C2CD2: variants seen among roughly 807,000 people sequenced by gnomAD.
The protein encoded by C2CD2 is C2 calcium dependent domain containing 2.
C2CD2 carries 43 observed loss-of-function variants against 74.3 expected under a neutral mutation model. The observed-to-expected ratio is 0.58, with a 90% CI of 0.45 to 0.75. The LOEUF (loss-of-function observed/expected upper bound fraction) is 0.75. Ranked by LOEUF, C2CD2 falls within the 30% of genes least tolerant of loss-of-function variation. The pLI, the probability that C2CD2 is intolerant of heterozygous loss-of-function variation, is 0.00. For synonymous variants in C2CD2, 422 were observed against 390.7 expected, an observed-to-expected ratio of 1.08 and a Z score of -0.94; for missense variants, 801 against 916.3, an observed-to-expected ratio of 0.87 and a Z score of 1.63.
intron 1 of C2CD2, among the ~76,000 whole-genome samples, chr21:41,951,838 A>G (rs1373222699): frequency 6.6e-6 from 1 of 152,194 alleles, no homozygotes; most frequent in Admixed American, 6.5e-5. Flanking sequence ...TCCCAAATAT[A>G]CAGGAGGTAG....
Position 41,889,074 on chromosome 21 carries a change from T to G in C2CD2, c.*50A>C, listed in dbSNP as rs1601536765. Reference sequence around the variant, plus strand: ...CACACTGGCTGCGTCCTGGTGAGGGTAGTTAACATGGGTGCACGTCTTCTG... The same window carrying G: ...CACACTGGCTGCGTCCTGGTGAGGGGAGTTAACATGGGTGCACGTCTTCTG... On this transcript the variant is annotated 3_prime_UTR_variant, in exon 14 of 14. Coordinates refer to ENST00000380486, the MANE Select transcript of C2CD2 (RefSeq NM_015500.2). The G allele has an allele frequency of 7.4e-7, 1 of 1,358,768 alleles. No individual in the cohort carries two copies. Among genetic ancestry groups the G allele is most frequent in the Non-Finnish European group, 1.1e-6 (1 of 952,126 alleles). 84.2% of individuals were successfully genotyped at this position (1,358,768 alleles called of 1,614,324 possible).
intron 2 of C2CD2, among the ~76,000 whole-genome samples, chr21:41,928,706 C>T (rs1008105956): frequency 6.6e-6 from 1 of 152,160 alleles, no homozygotes; most frequent in Non-Finnish European, 1.5e-5. Context: ...CCCCCAATCC[C>T]GCAGCTCTCA....
intron 13 of C2CD2, among the ~76,000 whole-genome samples, chr21:41,893,607 C>A (rs913337219): frequency 9.9e-5 from 15 of 152,160 alleles, no homozygotes; most frequent in Non-Finnish European, 1.9e-4. Flanking sequence ...TCTTCTTACA[C>A]CCTACCGAGA....
At chr21:41,938,495 C>T (rs542597516) in intron 2 of C2CD2, among the ~76,000 whole-genome samples, 1 of 152,118 alleles carries the variant, frequency 6.6e-6, no homozygotes, top group Admixed American at 6.6e-5. Context: ...TCACCATCCA[C>T]CTCCAGAACC....
intron 1 of C2CD2, 27 bp downstream of exon 1, chr21:41,953,343 C>CCCCGG (rs2065466170): frequency 7.3e-7 from 1 of 1,376,714 alleles, no homozygotes. Context: ...ATCTGCCGCC[C>CCCCGG]CCCGGCCCGC....
chr21:41,940,381 A>T (rs2065344748), intron 2 of C2CD2, among the ~76,000 whole-genome samples: 1 of 152,230 alleles, frequency 6.6e-6, no homozygotes, highest in Admixed American at 6.5e-5. Context: ...TACATAAAAA[A>T]TGGTAAAAAT....
At chr21:41,950,859 A>C (rs181332373) in intron 1 of C2CD2, among the ~76,000 whole-genome samples, 2 of 152,360 alleles carry the variant, frequency 1.3e-5, no homozygotes, top group Admixed American at 1.3e-4. Context: ...AATGCTGGAC[A>C]TGATTAAGTT....
rs1198306642 is a variant in C2CD2, at chr21:41,945,792, TGAA to T, written c.280-3550_280-3548del. ...CCTTCTTCCCTCTCCTGCCGCCTTA[TGAA>T]GAAGGTGACGGCTTTCCCTACCATC... On this transcript the variant is annotated intron_variant, in intron 1 of 13. Coordinates refer to ENST00000380486, the MANE Select transcript of C2CD2 (RefSeq NM_015500.2). This position sits in a 1 kb window ranked among gnomAD's most constrained non-coding sequence, Gnocchi z 4.2. Among the ~76,000 whole-genome samples, 3 of 152,166 alleles carry T rather than the reference TGAA, an allele frequency of 2.0e-5. No homozygotes were observed. Among genetic ancestry groups the T allele is most frequent in the Non-Finnish European group, 2.9e-5 (2 of 68,026 alleles).
At chr21:41,891,418 T>C (rs145665120) in intron 13 of C2CD2, among the ~76,000 whole-genome samples, 182 of 152,290 alleles carry the variant, frequency 1.2e-3, no homozygotes, top group African/African-American at 4.2e-3. Context: ...ACTTTGGAGT[T>C]TGGCCAGTGG....
chr21:41,953,159 T>C (rs2065463950), intron 1 of C2CD2: 6 of 396,666 alleles, frequency 1.5e-5, no homozygotes, highest in Non-Finnish European at 2.7e-5. Flanking sequence ...CACCTGCCGT[T>C]TGGAGAATAA....
rs765023131 is a variant in C2CD2 at position 41,914,571 on chromosome 21, G to C, written c.844+27C>G. On this transcript the variant is annotated intron_variant, in intron 6 of 13. Transcript: ENST00000380486. ...CTCAGGGGCTGGAAGAGCCCCTCCA[G>C]GCAGGCAGGCTCCCATCGTCACCCA... 6 of 1,607,782 alleles carry C rather than the reference G, an allele frequency of 3.7e-6. No homozygotes were observed. In the South Asian group the frequency reaches 6.6e-5, roughly 18 times the overall value.
rs752125525 is a variant in C2CD2 at position 41,924,323 on chromosome 21, G to A, written c.379-2238C>T. On this transcript the variant is annotated intron_variant, in intron 2 of 13. Transcript: ENST00000380486. This position sits in a 1 kb window ranked among gnomAD's most constrained non-coding sequence, Gnocchi z 4.4. ...ACCTGGGCACTAAGGCCCGGGCAGGGGTCAACATCCAATATCCACAACCAA... is the reference window on the plus strand; with the variant it reads ...ACCTGGGCACTAAGGCCCGGGCAGGAGTCAACATCCAATATCCACAACCAA... 6.6e-6 allele frequency among the ~76,000 whole-genome samples: 1 copy of A among 152,090 alleles called. No individual in the cohort carries two copies. The highest frequency in any genetic ancestry group is 2.4e-5 in the African/African-American group (1 of 41,406).
intron 8 of C2CD2, chr21:41,908,243 T>TTGTGTGTGTGTATGTGTGTGTG (rs2064987810): frequency 5.9e-6 from 1 of 168,698 alleles, no homozygotes; most frequent in African/African-American, 2.5e-5. Context: ...TACCCTCAAG[T>TTGTGTGTGTGTATGTGTGTGTG]TGTGTGTGTG....
At chr21:41,944,981 G>T (rs149909197) in intron 1 of C2CD2, among the ~76,000 whole-genome samples, 1 of 152,156 alleles carries the variant, frequency 6.6e-6, no homozygotes, top group South Asian at 2.1e-4. Flanking sequence ...GGAAAAACAC[G>T]GATATAACCT....
At position 41,924,419 on chromosome 21, in the gene C2CD2, CTCTT is replaced by C. The variant is rs2065187336; in HGVS notation, c.379-2338_379-2335del. ...TCAATATTGGCAGAAAGTCGTGCAACTCTTTCTACCGGTTCTTATAACGCCACGT... is the reference window on the plus strand; with the variant it reads ...TCAATATTGGCAGAAAGTCGTGCAACTCTACCGGTTCTTATAACGCCACGT... On this transcript the variant is annotated intron_variant, in intron 2 of 13. Coordinates refer to ENST00000380486, the MANE Select transcript of C2CD2 (RefSeq NM_015500.2). This position sits in a 1 kb window ranked among gnomAD's most constrained non-coding sequence, Gnocchi z 4.4. Among the ~76,000 whole-genome samples the C allele has an allele frequency of 1.3e-5, 2 of 152,204 alleles. No homozygotes were observed. The highest frequency in any genetic ancestry group is 4.8e-5 in the African/African-American group (2 of 41,450).
intron 7 of C2CD2, among the ~76,000 whole-genome samples, chr21:41,911,611 G>T (rs1176711456): frequency 6.6e-6 from 1 of 151,626 alleles, no homozygotes; most frequent in Admixed American, 6.6e-5. Flanking sequence ...GGCCAGGTTG[G>T]TCTCGAACTC....
intron 2 of C2CD2, among the ~76,000 whole-genome samples, chr21:41,937,475 T>C (rs1002920030): frequency 3.3e-5 from 5 of 152,218 alleles, no homozygotes; most frequent in Non-Finnish European, 7.3e-5. Flanking sequence ...ACATACAAAA[T>C]ATATGCCAAT....
chr21:41,911,439 G>C (rs1486867943), intron 7 of C2CD2, among the ~76,000 whole-genome samples: 1 of 147,950 alleles, frequency 6.8e-6, no homozygotes, highest in East Asian at 2.0e-4. Context: ...GCCCAGGCTG[G>C]AGTGTGCAGT....
chr21:41,931,777 G>T (rs1195702951), intron 2 of C2CD2, among the ~76,000 whole-genome samples: 1 of 150,004 alleles, frequency 6.7e-6, no homozygotes, highest in Non-Finnish European at 1.5e-5. Flanking sequence ...GATAGCACCA[G>T]GATGGGGGCT....
Sources: allele counts gnomAD v4.1 joint callset (sites outside exome capture counted in the v4.1 genomes callset), GRCh38; gene constraint gnomAD v4.1.1; non-coding constraint Gnocchi (gnomAD v3.1); transcripts MANE v1.5; gene names NCBI Gene and HGNC (gene_info 2026-07-23, HGNC 2026-07-21).